The following CSMD3 variants were observed in gnomAD, a reference collection of about 807,000 sequenced individuals.
CSMD3 encodes CUB and sushi domain-containing protein 3.
Under a neutral mutation model 435.2 loss-of-function variants are expected in CSMD3, and 177 were observed. That is an observed-to-expected ratio of 0.41 (90% CI 0.36 to 0.46). The LOEUF (loss-of-function observed/expected upper bound fraction) is 0.46, where lower values mean the gene tolerates loss of function less well. CSMD3 is among the 20% of genes least tolerant of loss of function. The pLI, the probability that CSMD3 is intolerant of heterozygous loss-of-function variation, is 0.34. For synonymous variants in CSMD3, 1,656 were observed against 1,520.5 expected, an observed-to-expected ratio of 1.09 and a Z score of -2.07; for missense variants, 4,265 against 4,504.6, an observed-to-expected ratio of 0.95 and a Z score of 1.52.
intron 13 of CSMD3, among the ~76,000 whole-genome samples, chr8:112,717,071 G>A (rs1023508235): frequency 6.6e-6 from 1 of 152,124 alleles, no homozygotes; most frequent in Admixed American, 6.6e-5. Flanking sequence ...TGACAAATGG[G>A]ATCTAATTAA....
At chr8:112,521,096 G>C (rs1824235310) in intron 27 of CSMD3, among the ~76,000 whole-genome samples, 1 of 151,966 alleles carries the variant, frequency 6.6e-6, no homozygotes, top group Non-Finnish European at 1.5e-5. Flanking sequence ...ATCATTCTCA[G>C]TCGCATGTAC....
At chr8:112,484,324 A>AT (rs922273334) in intron 31 of CSMD3, among the ~76,000 whole-genome samples, 4 of 152,130 alleles carry the variant, frequency 2.6e-5, no homozygotes, top group African/African-American at 9.7e-5. Flanking sequence ...GAAATTATAG[A>AT]TTTTTTATAC....
Position 112,512,101 on chromosome 8 carries a change from A to G in CSMD3, c.4756+4933T>C, listed in dbSNP as rs1823204553. On this transcript the variant is annotated intron_variant, in intron 28 of 70. Transcript: ENST00000297405. ...AAACACCCCCTCATCACAGTCATCC[A>G]TGAGGGTTAGAATCAACTTCTGCCA... Among the ~76,000 whole-genome samples, 4 of 152,134 alleles carry G rather than the reference A, an allele frequency of 2.6e-5. No homozygotes were observed. The South Asian group carries it at 8.3e-4, about 32-fold the overall frequency.
intron 3 of CSMD3, among the ~76,000 whole-genome samples, chr8:113,186,869 A>G (rs986367064): frequency 6.6e-6 from 1 of 151,934 alleles, no homozygotes; most frequent in Admixed American, 6.6e-5. Flanking sequence ...AGCTTTTGCC[A>G]TGAGTCCGAG....
chr8:113,053,778 G>C (rs2088199155), intron 5 of CSMD3, among the ~76,000 whole-genome samples: 1 of 152,056 alleles, frequency 6.6e-6, no homozygotes, highest in Admixed American at 6.6e-5. Context: ...TGGAACTAAT[G>C]TATCTGGTTT....
At chr8:112,282,553 A>G (rs902566553) in intron 58 of CSMD3, among the ~76,000 whole-genome samples, 5 of 152,224 alleles carry the variant, frequency 3.3e-5, no homozygotes, top group African/African-American at 7.2e-5. Context: ...AGACCTAGGC[A>G]GAGTCAAATT....
chr8:112,870,548 T>G (rs1034517331), intron 10 of CSMD3, among the ~76,000 whole-genome samples: 6 of 151,998 alleles, frequency 3.9e-5, no homozygotes, highest in Non-Finnish European at 7.4e-5. Flanking sequence ...AGTGCTGGGA[T>G]TACAGGCGTG....
intron 13 of CSMD3, among the ~76,000 whole-genome samples, chr8:112,731,950 A>C (rs563065484): frequency 6.6e-6 from 1 of 152,234 alleles, no homozygotes; most frequent in South Asian, 2.1e-4. Flanking sequence ...GCAAAAATGT[A>C]TTTGGAATGT....
intron 2 of CSMD3, among the ~76,000 whole-genome samples, chr8:113,296,291 TATA>T (rs4027872): frequency 0.01 from 1,471 of 146,246 alleles, 19 homozygotes; most frequent in African/African-American, 0.032. Flanking sequence ...GAACTTAAAG[TATA>T]ATAATAATAA....
chr8:112,703,064 G>A (rs1255450513), intron 13 of CSMD3, among the ~76,000 whole-genome samples: 1 of 152,082 alleles, frequency 6.6e-6, no homozygotes, highest in African/African-American at 2.4e-5. Context: ...CATCCTACTG[G>A]TACTTGATTT....
intron 31 of CSMD3, among the ~76,000 whole-genome samples, chr8:112,475,587 T>C (rs1208221939): frequency 6.6e-6 from 1 of 152,130 alleles, no homozygotes; most frequent in Non-Finnish European, 1.5e-5. Flanking sequence ...ACATCTATTG[T>C]AATTTGTTTT....
intron 3 of CSMD3, among the ~76,000 whole-genome samples, chr8:113,244,973 T>G (rs941749457): frequency 7.9e-5 from 12 of 152,164 alleles, no homozygotes; most frequent in African/African-American, 2.9e-4. Flanking sequence ...GTAGTTTTAG[T>G]CTCTGTTGTT....
At chr8:113,271,769 A>C (rs1364605541) in intron 3 of CSMD3, among the ~76,000 whole-genome samples, 1 of 152,110 alleles carries the variant, frequency 6.6e-6, no homozygotes, top group Non-Finnish European at 1.5e-5. Context: ...CATCCAGACC[A>C]CAGAATGGTA....
rs74622157 is a variant in CSMD3, at chr8:112,853,059, A to C, written c.1755+6086T>G. Among the ~76,000 whole-genome samples, 584 of 152,314 alleles carry C rather than the reference A, an allele frequency of 3.8e-3. 5 individuals are homozygous for C. The highest frequency in any genetic ancestry group is 0.013 in the African/African-American group (553 of 41,574). On this transcript the variant is annotated intron_variant, in intron 11 of 70. Transcript: ENST00000297405. ...AGTTCAAATATACTTGAGACACTTA[A>C]TCTGATTCTTCCACGGATATTTGTT...
intron 49 of CSMD3, among the ~76,000 whole-genome samples, chr8:112,313,693 G>A (rs1053311594): frequency 6.6e-6 from 1 of 151,730 alleles, no homozygotes; most frequent in African/African-American, 2.4e-5. Flanking sequence ...TATCCTAAAT[G>A]CTTTTTTAGG....
chr8:112,819,766 G>A (rs1345160238), intron 12 of CSMD3, among the ~76,000 whole-genome samples: 1 of 152,066 alleles, frequency 6.6e-6, no homozygotes, highest in Non-Finnish European at 1.5e-5. Flanking sequence ...TCAGAGTGAC[G>A]ACATTGTACA....
At chr8:113,075,227 C>T (rs1370501462) in intron 5 of CSMD3, among the ~76,000 whole-genome samples, 2 of 151,790 alleles carry the variant, frequency 1.3e-5, no homozygotes, top group Non-Finnish European at 3.0e-5. Context: ...TCATATAGAA[C>T]AATTGCCATT....
chr8:113,422,202 T>C (rs957588551), intron 1 of CSMD3, among the ~76,000 whole-genome samples: 2 of 152,164 alleles, frequency 1.3e-5, no homozygotes, highest in African/African-American at 4.8e-5. Flanking sequence ...TTCATGTCCA[T>C]ATGCACAGTA....
intron 44 of CSMD3, 57 bp from the exon 45 acceptor site, chr8:112,335,531 T>C (rs535157813): frequency 6.8e-7 from 1 of 1,460,398 alleles, no homozygotes; most frequent in East Asian, 2.3e-5. Flanking sequence ...GGAAGTAGTT[T>C]TGAACCGTAT....
Sources: allele counts gnomAD v4.1 joint callset (sites outside exome capture counted in the v4.1 genomes callset), GRCh38; gene constraint gnomAD v4.1.1; transcripts MANE v1.5; gene names NCBI Gene and HGNC (gene_info 2026-07-23, HGNC 2026-07-21).